The following CISD2 variants were observed in gnomAD, a reference collection of about 807,000 sequenced individuals.
CISD2 encodes the protein CDGSH iron sulfur domain 2.
CISD2 carries 1 observed loss-of-function variant against 12.9 expected under a neutral mutation model. That is an observed-to-expected ratio of 0.08 (90% confidence interval 0.03 to 0.37). CISD2 has a LOEUF of 0.37. CISD2 is among the 10% of genes least tolerant of loss of function. The probability of loss-of-function intolerance (pLI) is 0.99; values close to 1 mark genes in which losing one functional copy is unlikely to be tolerated. For synonymous variants in CISD2, 50 were observed against 60.6 expected, an observed-to-expected ratio of 0.83 and a Z score of 0.81; for missense variants, 97 against 163.1, an observed-to-expected ratio of 0.59 and a Z score of 2.21.
intron 1 of CISD2, among the ~76,000 whole-genome samples, chr4:102,878,473 A>G (rs926249098): frequency 1.3e-5 from 2 of 152,074 alleles, no homozygotes; most frequent in Non-Finnish European, 2.9e-5. Flanking sequence ...AAATTTTCCA[A>G]ACTTTTATGC....
At position 102,869,129 on chromosome 4, in the gene CISD2, T is replaced by C. The variant is rs1733340573; in HGVS notation, c.45T>C (p.Pro15=). ...CCCGTATCGTGAAGGTGCAGCTCCC[T>C]GCATATCTGAAGCGGCTCCCAGTCC... is the stretch of plus-strand genomic sequence containing the variant. ...SVARIVKVQL[P]AYLKRLPVPE... Residue 15 remains proline, a synonymous_variant, in exon 1 of 3, where the codon CCT becomes CCC. Coordinates refer to ENST00000273986, the MANE Select transcript of CISD2 (RefSeq NM_001008388.5). The C allele has an allele frequency of 1.9e-6, 3 of 1,612,776 alleles. No homozygotes were observed. The highest frequency in any genetic ancestry group is 2.7e-5 in the African/African-American group (2 of 74,916).
intron 1 of CISD2, 137 bp downstream of exon 1, chr4:102,869,324 G>T (rs1733355606): frequency 3.3e-6 from 4 of 1,229,498 alleles, no homozygotes; most frequent in Non-Finnish European, 4.6e-6. Context: ...AGGAAGGTGG[G>T]CGCGCGCCGA....
intron 1 of CISD2, among the ~76,000 whole-genome samples, chr4:102,884,297 C>T (rs1315702596): frequency 6.6e-6 from 1 of 152,172 alleles, no homozygotes; most frequent in East Asian, 1.9e-4. Flanking sequence ...CTTAGCATAA[C>T]CTGTTCATTT....
rs7254 is a variant in CISD2 at position 102,888,488 on chromosome 4, T to G, written c.*1058T>G. On this transcript the variant is annotated 3_prime_UTR_variant, in exon 3 of 3. Coordinates refer to ENST00000273986, the MANE Select transcript of CISD2 (RefSeq NM_001008388.5). ...TTGATTGAAAAAAGTATGCGCGTAA[T>G]TGTACCCACCCAGTTCAAACCCGTG... The G allele has an allele frequency of 0.58, 87,537 of 152,142 alleles. 26,488 individuals carry two copies. Among genetic ancestry groups the G allele is most frequent in the African/African-American group, 0.78 (32,249 of 41,538 alleles). The allele number at this position is 152,142 out of a possible 1,614,324, so 9.4% of individuals were successfully genotyped here.
chr4:102,888,544 G>GAAAT lies in CISD2; in HGVS notation c.*1118_*1121dup, dbSNP rs1384634043. ...GGGTCAACTGTACAAAAAAGTTTGT[G>GAAAT]AAATAAACGTACTGGAGAATCTTTA... is the stretch of plus-strand genomic sequence containing the variant. On this transcript the variant is annotated 3_prime_UTR_variant, in exon 3 of 3. Coordinates refer to ENST00000273986, the MANE Select transcript of CISD2 (RefSeq NM_001008388.5). The GAAAT allele has an allele frequency of 6.6e-6, 1 of 152,222 alleles. No individual in the cohort carries two copies. Among genetic ancestry groups the GAAAT allele is most frequent in the African/African-American group, 2.4e-5 (1 of 41,462 alleles). 9.4% of individuals were successfully genotyped at this position (152,222 alleles called of 1,614,324 possible). A position where few individuals can be genotyped will look rare whatever the true frequency, so the allele number is the denominator to read the frequency against.
At chr4:102,883,634 G>A (rs1031278889) in intron 1 of CISD2, among the ~76,000 whole-genome samples, 4 of 152,204 alleles carry the variant, frequency 2.6e-5, no homozygotes, top group East Asian at 1.9e-4. Context: ...CCTTCTCCCC[G>A]CAAAAACAGT....
intron 1 of CISD2, among the ~76,000 whole-genome samples, chr4:102,875,206 C>T (rs575206987): frequency 4.6e-5 from 7 of 152,364 alleles, no homozygotes; most frequent in African/African-American, 1.7e-4. Flanking sequence ...TGAAGCTCCT[C>T]CTCCCATATT....
Position 102,869,174 on chromosome 4 carries a change from C to T in CISD2, c.90C>T (p.Phe30=). 1 of 1,609,156 alleles carries T rather than the reference C, an allele frequency of 6.2e-7. No homozygotes were observed. The highest frequency in any genetic ancestry group is 8.5e-7 in the Non-Finnish European group (1 of 1,178,012). The change falls in exon 1 of 3, where the codon TTC becomes TTT. Residue 30 remains phenylalanine (F), a synonymous_variant. Transcript: ENST00000273986. The part of the protein sequence containing the change: ...RLPVPESITG[F]ARLTVSEWLR... ...CAGTCCCTGAAAGCATTACCGGGTTCGCTAGGCTCACAGGTAATCCTCCCC... is the reference window on the plus strand; with the variant it reads ...CAGTCCCTGAAAGCATTACCGGGTTTGCTAGGCTCACAGGTAATCCTCCCC...
intron 2 of CISD2, among the ~76,000 whole-genome samples, chr4:102,886,610 T>G (rs1227021381): frequency 3.3e-5 from 5 of 152,190 alleles, no homozygotes; most frequent in Admixed American, 6.5e-5. Flanking sequence ...TTTATTTTTA[T>G]TTATTCTTTA....
chr4:102,887,231 T>G (rs1271486128), intron 2 of CISD2, 110 bp from the exon 3 acceptor site: 3 of 691,586 alleles, frequency 4.3e-6, no homozygotes, highest in Non-Finnish European at 2.6e-6. Context: ...GAAAACGATC[T>G]GATTTTTTTT....
chr4:102,869,058 G>A lies in CISD2; in HGVS notation c.-27G>A, dbSNP rs1012487113. The A allele has an allele frequency of 9.4e-6, 15 of 1,594,022 alleles. No homozygotes were observed. The highest frequency in any genetic ancestry group is 1.0e-5 in the Non-Finnish European group (12 of 1,171,296). ...GCTTGGCCAGAGCGGAGGGGGCTCG[G>A]GAGAGGAGTGGACGCCGCTGGCCAG... On this transcript the variant is annotated 5_prime_UTR_variant, in exon 1 of 3. Coordinates refer to ENST00000273986, the MANE Select transcript of CISD2 (RefSeq NM_001008388.5).
rs1264459763 is a variant in CISD2, at chr4:102,889,570, TATCTC to T, written c.*2143_*2147del. On this transcript the variant is annotated 3_prime_UTR_variant, in exon 3 of 3. Transcript: ENST00000273986. ...TTGTCAAATAACATTGAAAATGAAT[TATCTC>T]ATAAAAGGTAATTTTAATACCCCAA... 3 of 152,284 alleles carry T rather than the reference TATCTC, an allele frequency of 2.0e-5. No homozygotes were observed. The highest frequency in any genetic ancestry group is 2.9e-5 in the Non-Finnish European group (2 of 68,046). The allele number at this position is 152,284 out of a possible 1,614,324, so 9.4% of individuals were successfully genotyped here.
Position 102,890,357 on chromosome 4 carries a change from T to G in CISD2, c.*2927T>G, listed in dbSNP as rs1560909678. On this transcript the variant is annotated 3_prime_UTR_variant, in exon 3 of 3. Coordinates refer to ENST00000273986, the MANE Select transcript of CISD2 (RefSeq NM_001008388.5). ...TAGAAATGTGCTGTCAGAATCTGTA[T>G]AGAGAGTTTGTAAATGCCACTATTT... 1 of 152,230 alleles carries G rather than the reference T, an allele frequency of 6.6e-6. No homozygotes were observed. Among genetic ancestry groups the G allele is most frequent in the African/African-American group, 2.4e-5 (1 of 41,460 alleles). 9.4% of individuals were successfully genotyped at this position (152,230 alleles called of 1,614,324 possible).
chr4:102,882,049 A>G (rs907548851), intron 1 of CISD2, among the ~76,000 whole-genome samples: 8 of 152,078 alleles, frequency 5.3e-5, no homozygotes, highest in African/African-American at 1.4e-4. Context: ...AAAATTAGCC[A>G]GACGTTGTGG....
chr4:102,879,159 C>T (rs1733656647), intron 1 of CISD2, among the ~76,000 whole-genome samples: 1 of 152,058 alleles, frequency 6.6e-6, no homozygotes, highest in Non-Finnish European at 1.5e-5. Context: ...CCAGGTTCCT[C>T]CCTTGACGTG....
intron 1 of CISD2, 196 bp downstream of exon 1, chr4:102,869,383 C>T (rs1194793682): frequency 5.3e-6 from 4 of 748,536 alleles, no homozygotes; most frequent in Middle Eastern, 2.4e-4. Context: ...GTGCTTGATG[C>T]CCCAGGGTCT....
Position 102,890,200 on chromosome 4 carries a change from T to TA in CISD2, c.*2771dup. 6.6e-6 allele frequency: 1 copy of TA among 152,324 alleles called. No homozygotes were observed. Among genetic ancestry groups the TA allele is most frequent in the South Asian group, 2.1e-4 (1 of 4,830 alleles). 9.4% of individuals were successfully genotyped at this position (152,324 alleles called of 1,614,324 possible). A position where few individuals can be genotyped will look rare whatever the true frequency, so the allele number is the denominator to read the frequency against. The stretch of plus-strand genomic sequence containing the variant: ...ATTCAGCTTTGAGTTCAATGCCAAA[T>TA]ACGATGATTCATTAAGTTGACTTTG... On this transcript the variant is annotated 3_prime_UTR_variant, in exon 3 of 3. Transcript: ENST00000273986.
intron 1 of CISD2, among the ~76,000 whole-genome samples, chr4:102,872,077 TTTTTG>T (rs1023164293): frequency 2.0e-5 from 3 of 152,044 alleles, no homozygotes; most frequent in Non-Finnish European, 2.9e-5. Flanking sequence ...TTAACTTAGG[TTTTTG>T]TTTTGTTTTG....
At chr4:102,869,456 G>T (rs1407349706) in intron 1 of CISD2, 4 of 703,112 alleles carry the variant, frequency 5.7e-6, no homozygotes, top group Non-Finnish European at 1.0e-5. Context: ...TGCAGAGAAG[G>T]TGCTGAGTTG....
Sources: allele counts gnomAD v4.1 joint callset (sites outside exome capture counted in the v4.1 genomes callset), GRCh38; gene constraint gnomAD v4.1.1; transcripts MANE v1.5; gene names NCBI Gene and HGNC (gene_info 2026-07-23, HGNC 2026-07-21).